CRMP1: variants seen among roughly 807,000 people sequenced by gnomAD.
CRMP1 encodes collapsin response mediator protein 1.
Under a neutral mutation model 68.3 loss-of-function variants are expected in CRMP1, and 19 were observed. That is an observed-to-expected ratio of 0.28 (90% CI 0.19 to 0.41). The LOEUF (loss-of-function observed/expected upper bound fraction) is 0.41. Ranked by LOEUF, CRMP1 falls within the 10% of genes least tolerant of loss-of-function variation. The pLI, the probability that CRMP1 is intolerant of heterozygous loss-of-function variation, is 1.00. For missense variants in CRMP1, 791 were observed against 967.4 expected, an observed-to-expected ratio of 0.82 and a Z score of 2.42; for synonymous variants, 439 against 399.6, an observed-to-expected ratio of 1.10 and a Z score of -1.18.
rs570108127 is a variant in CRMP1 at position 5,884,154 on chromosome 4, T to C, written c.381+8435A>G. On this transcript the variant is annotated intron_variant, in intron 1 of 13. Transcript: ENST00000324989. ...TCAGTCCTGCTATTCGACTTCCATCTGATTTCACCATATGCATGACAAATC... is the reference window on the plus strand; with the variant it reads ...TCAGTCCTGCTATTCGACTTCCATCCGATTTCACCATATGCATGACAAATC... Among the ~76,000 whole-genome samples, 6 of 152,330 alleles carry C rather than the reference T, an allele frequency of 3.9e-5. No individual in the cohort carries two copies. In the South Asian group the frequency reaches 1.2e-3, roughly 32 times the overall value.
intron 13 of CRMP1, among the ~76,000 whole-genome samples, chr4:5,822,493 A>AGGG (rs56927662): frequency 1.6e-4 from 22 of 134,158 alleles, no homozygotes; most frequent in Non-Finnish European, 1.8e-4. Flanking sequence ...GTGGATCTGA[A>AGGG]GGGGGGGGGG....
chr4:5,862,687 G>A (rs1041578534), intron 2 of CRMP1, among the ~76,000 whole-genome samples: 2 of 152,006 alleles, frequency 1.3e-5, no homozygotes, highest in Non-Finnish European at 2.9e-5. Context: ...AGACATGCAC[G>A]TGGTGTGTCT....
intron 6 of CRMP1, among the ~76,000 whole-genome samples, chr4:5,844,882 T>TA (rs751087900): frequency 2.0e-5 from 3 of 152,198 alleles, no homozygotes; most frequent in Non-Finnish European, 2.9e-5. Flanking sequence ...CTATGGTTAA[T>TA]AAAAGGCTGA....
At chr4:5,836,588 C>T (rs1474646053) in intron 10 of CRMP1, among the ~76,000 whole-genome samples, 177 bp downstream of exon 10, 7 of 152,348 alleles carry the variant, frequency 4.6e-5, no homozygotes, top group African/African-American at 1.7e-4. Context: ...GAGGCCTCTC[C>T]CGGACTTGAG....
chr4:5,827,984 G>A, intron 12 of CRMP1: 1 of 953,220 alleles, frequency 1.0e-6, no homozygotes, highest in Non-Finnish European at 1.2e-6. Flanking sequence ...AGGAACGACA[G>A]GGCAGAAACG....
chr4:5,872,550 G>T lies in CRMP1; in HGVS notation c.382-5794C>A, dbSNP rs1313822924. ...AAAAATGCAAAAATTAGTTGGGCGTGGTGGCAGGCACCTGTAATCCCAGCT... is the reference window on the plus strand; with the variant it reads ...AAAAATGCAAAAATTAGTTGGGCGTTGTGGCAGGCACCTGTAATCCCAGCT... On this transcript the variant is annotated intron_variant, in intron 1 of 13. Coordinates refer to ENST00000324989, the MANE Select transcript of CRMP1 (RefSeq NM_001014809.3). The surrounding 1 kb of genome is among the most constrained non-coding windows in gnomAD (Gnocchi z 4.6). Among the ~76,000 whole-genome samples, 1 of 152,192 alleles carries T rather than the reference G, an allele frequency of 6.6e-6. No individual in the cohort carries two copies. The highest frequency in any genetic ancestry group is 1.5e-5 in the Non-Finnish European group (1 of 68,040).
chr4:5,888,751 G>C lies in CRMP1; in HGVS notation c.381+3838C>G, dbSNP rs186419079. Among the ~76,000 whole-genome samples, 118 of 151,678 alleles carry C rather than the reference G, an allele frequency of 7.8e-4. 1 individual carries two copies. Among genetic ancestry groups the C allele is most frequent in the African/African-American group, 2.8e-3 (115 of 41,388 alleles). ...CAGGGCTCCTTTAAAAGAAAAAGAC[G>C]GCGCGGTCAGGGCCCGCGGGCGGCG... is the stretch of plus-strand genomic sequence containing the variant. On this transcript the variant is annotated intron_variant, in intron 1 of 13. Coordinates refer to ENST00000324989, the MANE Select transcript of CRMP1 (RefSeq NM_001014809.3). The surrounding 1 kb of genome is among the most constrained non-coding windows in gnomAD (Gnocchi z 6.4).
Position 5,889,935 on chromosome 4 carries a change from G to C in CRMP1, c.381+2654C>G. 7.3e-7 allele frequency: 1 copy of C among 1,365,794 alleles called. No homozygotes were observed. The highest frequency in any genetic ancestry group is 9.5e-7 in the Non-Finnish European group (1 of 1,056,352). The allele number at this position is 1,365,794 out of a possible 1,614,324, so 84.6% of individuals were successfully genotyped here. A position where few individuals can be genotyped will look rare whatever the true frequency, so the allele number is the denominator to read the frequency against. ...CATAATTTTCCCATTTTACAGACAG[G>C]AAATTGAGGCTTACAGAGGTAAAAT... On this transcript the variant is annotated intron_variant, in intron 1 of 13. Coordinates refer to ENST00000324989, the MANE Select transcript of CRMP1 (RefSeq NM_001014809.3). The surrounding 1 kb of genome is among the most constrained non-coding windows in gnomAD (Gnocchi z 4.5).
Position 5,889,928 on chromosome 4 carries a change from C to T in CRMP1, c.381+2661G>A. On this transcript the variant is annotated intron_variant, in intron 1 of 13. Transcript: ENST00000324989. The surrounding 1 kb of genome is among the most constrained non-coding windows in gnomAD (Gnocchi z 4.5). ...CACTAGGCATAATTTTCCCATTTTA[C>T]AGACAGGAAATTGAGGCTTACAGAG... is the stretch of plus-strand genomic sequence containing the variant. 7.3e-7 allele frequency: 1 copy of T among 1,376,500 alleles called. No homozygotes were observed. Among genetic ancestry groups the T allele is most frequent in the Non-Finnish European group, 9.4e-7 (1 of 1,063,110 alleles). The allele number at this position is 1,376,500 out of a possible 1,614,324, so 85.3% of individuals were successfully genotyped here. A position where few individuals can be genotyped will look rare whatever the true frequency, so the allele number is the denominator to read the frequency against.
intron 1 of CRMP1, chr4:5,887,621 C>T: frequency 1.0e-6 from 1 of 985,052 alleles, no homozygotes; most frequent in South Asian, 4.7e-5. Context: ...GAACATTAAC[C>T]CTTCCCGGGC....
rs1328241699 is a variant in CRMP1 at position 5,889,879 on chromosome 4, G to A, written c.381+2710C>T. On this transcript the variant is annotated intron_variant, in intron 1 of 13. Coordinates refer to ENST00000324989, the MANE Select transcript of CRMP1 (RefSeq NM_001014809.3). The surrounding 1 kb of genome is among the most constrained non-coding windows in gnomAD (Gnocchi z 4.5). ...AGAGGTGAGGTTTTAGCTTCACAGA[G>A]AAGCCAGCTCAGTATCCCAGGAACA... The A allele has an allele frequency of 7.0e-7, 1 of 1,426,186 alleles. No individual in the cohort carries two copies. The highest frequency in any genetic ancestry group is 1.4e-5 in the African/African-American group (1 of 69,550). The allele number at this position is 1,426,186 out of a possible 1,614,324, so 88.3% of individuals were successfully genotyped here. A position where few individuals can be genotyped will look rare whatever the true frequency, so the allele number is the denominator to read the frequency against.
chr4:5,835,551 T>G (rs947154377), intron 11 of CRMP1, among the ~76,000 whole-genome samples: 4 of 152,212 alleles, frequency 2.6e-5, no homozygotes, highest in African/African-American at 9.6e-5. Flanking sequence ...TCAAATCCTT[T>G]CCAGCTTGAT....
intron 1 of CRMP1, among the ~76,000 whole-genome samples, chr4:5,873,905 G>A (rs996032285): frequency 1.3e-5 from 2 of 152,156 alleles, no homozygotes; most frequent in Non-Finnish European, 2.9e-5. Flanking sequence ...TGGGCTCTGT[G>A]GTGAAGGTCA....
At chr4:5,878,512 A>G (rs971558365) in intron 1 of CRMP1, among the ~76,000 whole-genome samples, 1 of 152,216 alleles carries the variant, frequency 6.6e-6, no homozygotes, top group Non-Finnish European at 1.5e-5. Flanking sequence ...GAGACCTGTC[A>G]TCTAATAAAC....
intron 2 of CRMP1, among the ~76,000 whole-genome samples, chr4:5,864,406 G>C (rs1365439650): frequency 1.3e-5 from 2 of 152,216 alleles, no homozygotes; most frequent in East Asian, 3.9e-4. Flanking sequence ...CTCATTTTTT[G>C]ACACATCCTG....
Position 5,843,134 on chromosome 4 carries a change from T to A in CRMP1, c.991A>T (p.Ile331Phe). The A allele has an allele frequency of 6.2e-7, 1 of 1,614,200 alleles. No individual in the cohort carries two copies. Among genetic ancestry groups the A allele is most frequent in the Non-Finnish European group, 8.5e-7 (1 of 1,180,042 alleles). The change falls in exon 7 of 14, where the codon ATC becomes TTC. Residue 331 changes from isoleucine to phenylalanine, a missense_variant. Ile to Phe is a conservative substitution (Grantham distance 21). This residue lies in a region of CRMP1 where 594 missense variants were observed against 763.6 expected (regional missense o/e 0.78). Coordinates refer to ENST00000324989, the MANE Select transcript of CRMP1 (RefSeq NM_001014809.3). The surrounding 1 kb of genome is among the most constrained non-coding windows in gnomAD (Gnocchi z 4.1). ...AGGGCATGGCCCTCGGGACCCGTGA[T>A]GCCCATCTCCAGGATCCGCTTTTGT... is the stretch of plus-strand genomic sequence containing the variant. ...QEQKRILEMG[I>F]TGPEGHALSR... is the part of the protein sequence containing the mutation.
intron 4 of CRMP1, among the ~76,000 whole-genome samples, chr4:5,852,322 C>G (rs571844011): frequency 7.2e-5 from 11 of 152,318 alleles, no homozygotes; most frequent in African/African-American, 2.6e-4. Flanking sequence ...GACATTACAC[C>G]AAACGTGTTG....
chr4:5,825,791 A>T lies in CRMP1; in HGVS notation c.1804-132T>A. 1.3e-6 allele frequency: 1 copy of T among 791,572 alleles called. No homozygotes were observed. 49.0% of individuals were successfully genotyped at this position (791,572 alleles called of 1,614,324 possible). On this transcript the variant is annotated intron_variant, in intron 12 of 13. Transcript: ENST00000324989. This position sits in a 1 kb window ranked among gnomAD's most constrained non-coding sequence, Gnocchi z 4.4. ...AAATGTGCATGCACACACACACACA[A>T]CACGCACACACGACAGGTGCACTTC...
intron 12 of CRMP1, 173 bp downstream of exon 12, chr4:5,828,316 C>G: frequency 1.0e-6 from 1 of 985,086 alleles, no homozygotes; most frequent in Non-Finnish European, 1.2e-6. Context: ...ATGCTCACTC[C>G]TGTCCTCAGA....
Sources: gnomAD v4.1 joint callset for allele counts (sites outside exome capture counted in the v4.1 genomes callset) on GRCh38, gnomAD v4.1.1 for gene constraint, gnomAD v4.1.1 regional missense constraint, Gnocchi (gnomAD v3.1) non-coding constraint, MANE v1.5 for transcripts, NCBI Gene and HGNC (gene_info 2026-07-23, HGNC 2026-07-21) for gene names.